PTGIS: variants seen among roughly 807,000 people sequenced by gnomAD.
PTGIS encodes prostaglandin I2 synthase, also known as prostacyclin synthase.
A neutral mutation model predicts 50.3 loss-of-function variants in PTGIS; 45 were observed. The ratio of observed to expected loss-of-function variants is 0.90; its 90% CI spans 0.70 to 1.15. The LOEUF is 1.15. Ranked by LOEUF, PTGIS falls within the 50% of genes most tolerant of loss-of-function variation. The pLI is 0.00. For synonymous variants in PTGIS, 260 were observed against 267.7 expected (o/e 0.97, Z 0.28); for missense variants, 668 against 661.3 (o/e 1.01, Z -0.11).
At chr20:49,560,673 G>A (rs1311263773) in intron 1 of PTGIS, among the ~76,000 whole-genome samples, 1 of 152,240 alleles carries the variant, frequency 6.6e-6, no homozygotes, top group Non-Finnish European at 1.5e-5. Context: ...TGCTCTGGGA[G>A]GGGCAGGGAG....
intron 6 of PTGIS, among the ~76,000 whole-genome samples, chr20:49,523,131 AT>A (rs1207680354): frequency 6.6e-6 from 1 of 152,250 alleles, no homozygotes; most frequent in African/African-American, 2.4e-5. Context: ...AAAGGACATT[AT>A]TGAGACAACT....
intron 2 of PTGIS, 39 bp from the exon 3 acceptor site, chr20:49,548,058 T>G (rs1311865097): frequency 1.3e-6 from 2 of 1,593,900 alleles, no homozygotes; most frequent in Non-Finnish European, 1.7e-6. Flanking sequence ...GGAGTGTCAC[T>G]GTGAACAGCA....
At position 49,540,931 on chromosome 20, in the gene PTGIS, CA is replaced by C. The variant is rs1332154175; in HGVS notation, c.522-1211del. ...ACAAAGACCAGAGACCAGGATCTCTCAGGAGAGGGGTTTTCCCAGATGAAGA... is the reference window on the plus strand; with the variant it reads ...ACAAAGACCAGAGACCAGGATCTCTCGGAGAGGGGTTTTCCCAGATGAAGA... On this transcript the variant is annotated intron_variant, in intron 4 of 9. Coordinates refer to ENST00000244043, the MANE Select transcript of PTGIS (RefSeq NM_000961.4). This position sits in a 1 kb window ranked among gnomAD's most constrained non-coding sequence, Gnocchi z 4.8. Among the ~76,000 whole-genome samples, 1 of 152,166 alleles carries C rather than the reference CA, an allele frequency of 6.6e-6. No individual in the cohort carries two copies. The highest frequency in any genetic ancestry group is 1.5e-5 in the Non-Finnish European group (1 of 68,034).
chr20:49,553,419 G>T (rs1982557805), intron 1 of PTGIS, among the ~76,000 whole-genome samples: 1 of 151,728 alleles, frequency 6.6e-6, no homozygotes, highest in Non-Finnish European at 1.5e-5. Flanking sequence ...TGATTAACAG[G>T]GAAATAACTT....
intron 1 of PTGIS, among the ~76,000 whole-genome samples, chr20:49,561,407 C>T (rs1601206529): frequency 6.6e-6 from 1 of 152,178 alleles, no homozygotes; most frequent in East Asian, 1.9e-4. Flanking sequence ...CAAATTTGAG[C>T]TCTGTGAGTC....
rs780602636 is a variant in PTGIS, at chr20:49,506,109, T to C, written c.*1811A>G. The stretch of plus-strand genomic sequence containing the variant: ...CAGGAGTTGCTCATCCAGCATTTGC[T>C]CCTGGGACAGTAAATCTGCCTGCAG... On this transcript the variant is annotated 3_prime_UTR_variant, in exon 10 of 10. Transcript: ENST00000244043. The C allele has an allele frequency of 3.3e-5, 5 of 152,634 alleles. No homozygotes were observed. Among genetic ancestry groups the C allele is most frequent in the Non-Finnish European group, 5.9e-5 (4 of 68,052 alleles). 9.5% of individuals were successfully genotyped at this position (152,634 alleles called of 1,614,324 possible).
At chr20:49,528,383 G>A (rs1227256281) in intron 5 of PTGIS, among the ~76,000 whole-genome samples, 4 of 151,996 alleles carry the variant, frequency 2.6e-5, no homozygotes, top group African/African-American at 4.8e-5. Flanking sequence ...AGGCCGAGAC[G>A]GGCAGATCAC....
At chr20:49,550,283 GGGAGGTAA>G in intron 1 of PTGIS, 94 bp from the exon 2 acceptor site, 1 of 1,529,036 alleles carries the variant, frequency 6.5e-7, no homozygotes, top group African/African-American at 1.4e-5. Context: ...GGAGCAGTCG[GGGAGGTAA>G]TCTGAATGGA....
At chr20:49,535,099 T>C (rs1428961419) in intron 5 of PTGIS, among the ~76,000 whole-genome samples, 1 of 152,188 alleles carries the variant, frequency 6.6e-6, no homozygotes, top group Non-Finnish European at 1.5e-5. Flanking sequence ...TTCCATCAGA[T>C]TGGCAATTAT....
intron 2 of PTGIS, 52 bp from the exon 3 acceptor site, chr20:49,548,071 C>A: frequency 6.4e-7 from 1 of 1,553,246 alleles, no homozygotes; most frequent in South Asian, 1.1e-5. Context: ...GAACAGCAGC[C>A]GCTCTCAGTG....
chr20:49,555,020 C>A (rs992783273), intron 1 of PTGIS, among the ~76,000 whole-genome samples: 21 of 152,112 alleles, frequency 1.4e-4, no homozygotes, highest in African/African-American at 5.1e-4. Flanking sequence ...CCTGTAATCC[C>A]AGCACTTTGG....
chr20:49,516,290 A>T (rs1025855971), intron 6 of PTGIS, among the ~76,000 whole-genome samples: 1 of 151,940 alleles, frequency 6.6e-6, no homozygotes, highest in African/African-American at 2.4e-5. Context: ...TTTAATGGAC[A>T]CACTAATTTT....
In PTGIS at chr20:49,507,856, G is replaced by GAGGCTGGGGA; in HGVS notation, c.*63_*64insTCCCCAGCCT. On this transcript the variant is annotated 3_prime_UTR_variant, in exon 10 of 10. Coordinates refer to ENST00000244043, the MANE Select transcript of PTGIS (RefSeq NM_000961.4). Reference sequence around the variant, plus strand: ...GCCAACTGTGCACACAGAAAGCTGGGAGGCTGGGGCAGGCTGGGGCAGGCT... The same window carrying GAGGCTGGGGA: ...GCCAACTGTGCACACAGAAAGCTGGGAGGCTGGGGAAGGCTGGGGCAGGCTGGGGCAGGCT... 6.3e-7 allele frequency: 1 copy of GAGGCTGGGGA among 1,599,468 alleles called. No individual in the cohort carries two copies. The highest frequency in any genetic ancestry group is 2.2e-5 in the East Asian group (1 of 44,778).
At chr20:49,523,985 G>GCA (rs1357484061) in intron 6 of PTGIS, 73 bp downstream of exon 6, 21 of 1,558,896 alleles carry the variant, frequency 1.3e-5, no homozygotes, top group Non-Finnish European at 1.8e-5. Context: ...GCACAGACAT[G>GCA]CACACACACA....
At chr20:49,566,716 T>C (rs1982908752) in intron 1 of PTGIS, among the ~76,000 whole-genome samples, 1 of 152,212 alleles carries the variant, frequency 6.6e-6, no homozygotes, top group African/African-American at 2.4e-5. Flanking sequence ...TCTATGTATG[T>C]AAGAGTAATT....
At chr20:49,550,247 G>T in intron 1 of PTGIS, 58 bp from the exon 2 acceptor site, 1 of 1,595,904 alleles carries the variant, frequency 6.3e-7, no homozygotes, top group Non-Finnish European at 8.5e-7. Context: ...CATAAAGAGT[G>T]TAGGTTGCAG....
At chr20:49,550,594 T>G (rs1982481266) in intron 1 of PTGIS, among the ~76,000 whole-genome samples, 1 of 152,246 alleles carries the variant, frequency 6.6e-6, no homozygotes, top group Non-Finnish European at 1.5e-5. Context: ...TAGGTGGCCC[T>G]GGCCTTTGAC....
intron 1 of PTGIS, among the ~76,000 whole-genome samples, 196 bp downstream of exon 1, chr20:49,567,847 G>A (rs988493273): frequency 1.3e-5 from 2 of 152,206 alleles, no homozygotes; most frequent in African/African-American, 4.8e-5. Context: ...GCACCTTCTT[G>A]GCAGGGGGAG....
intron 1 of PTGIS, among the ~76,000 whole-genome samples, chr20:49,561,816 A>C: frequency 6.6e-6 from 1 of 152,326 alleles, no homozygotes; most frequent in Non-Finnish European, 1.5e-5. Flanking sequence ...AGTAGCTGGG[A>C]AGCAGCTGAG....
Sources: allele counts gnomAD v4.1 joint callset (sites outside exome capture counted in the v4.1 genomes callset), GRCh38; gene constraint gnomAD v4.1.1; non-coding constraint Gnocchi (gnomAD v3.1); transcripts MANE v1.5; gene names NCBI Gene and HGNC (gene_info 2026-07-23, HGNC 2026-07-21).